Variants in ADGRF1 observed in about 807,000 individuals in gnomAD.
ADGRF1 encodes the protein G protein-coupled receptor 110.
ADGRF1 carries 85 observed loss-of-function variants against 87.2 expected under a neutral mutation model. The ratio of observed to expected loss-of-function variants is 0.97; its 90% CI spans 0.82 to 1.17. The LOEUF is 1.17. ADGRF1 is among the 50% of genes most tolerant of loss of function. The pLI is 0.00. For missense variants in ADGRF1, 1,169 were observed against 1,077.2 expected (o/e 1.09, Z -1.19); for synonymous variants, 430 against 408.8 (o/e 1.05, Z -0.63).
At chr6:47,028,812 C>T (rs1198368681) in intron 2 of ADGRF1, among the ~76,000 whole-genome samples, 181 bp downstream of exon 2, 2 of 152,214 alleles carry the variant, frequency 1.3e-5, no homozygotes, top group Non-Finnish European at 2.9e-5. Flanking sequence ...GATGAAATGA[C>T]TTACTTATCC....
chr6:47,007,225 G>A lies in ADGRF1; in HGVS notation c.2532+28C>T, dbSNP rs765674550. The A allele has an allele frequency of 3.4e-6, 5 of 1,464,572 alleles. No individual in the cohort carries two copies. The African/African-American group carries it at 5.6e-5, about 16-fold the overall frequency. The allele number at this position is 1,464,572 out of a possible 1,614,324, so 90.7% of individuals were successfully genotyped here. ...GGGGGCCTAAGATGTCTAGGCTAGGGGTTAATGAGAGAAATAAATACACAT... is the reference window on the plus strand; with the variant it reads ...GGGGGCCTAAGATGTCTAGGCTAGGAGTTAATGAGAGAAATAAATACACAT... On this transcript the variant is annotated intron_variant, in intron 12 of 14. Transcript: ENST00000371253.
rs767905143 is a variant in ADGRF1, at chr6:47,012,043, C to G, written c.1080G>C (p.Leu360=). ...SILSNISSLS[L]ASHFRVSNST... The stretch of plus-strand genomic sequence containing the variant: ...AATTGGACACCCTGAAATGGCTGGC[C>G]AGTGACAGAGATGAAATATTGCTCA... Residue 360 remains leucine, a synonymous_variant, in exon 10 of 15, where the codon CTG becomes CTC. Transcript: ENST00000371253. 8 of 1,613,826 alleles carry G rather than the reference C, an allele frequency of 5.0e-6. No homozygotes were observed. The highest frequency in any genetic ancestry group is 2.7e-5 in the African/African-American group (2 of 74,892).
chr6:47,031,534 T>G (rs1292291554), intron 1 of ADGRF1, among the ~76,000 whole-genome samples: 1 of 152,132 alleles, frequency 6.6e-6, no homozygotes, highest in Non-Finnish European at 1.5e-5. Context: ...CCTAGAGATA[T>G]ATTCTGGCAT....
At position 47,014,686 on chromosome 6, in the gene ADGRF1, T is replaced by A; in HGVS notation, c.922A>T (p.Asn308Tyr). Residue 308 changes from asparagine to tyrosine, a missense_variant, in exon 9 of 15, where the codon AAC becomes TAC. Asn to Tyr is a moderately radical substitution (Grantham distance 143). Transcript: ENST00000371253. ...TCVLSLLEEL[N>Y]KNFSMIVGNA... ...ACACAGTGAAAATGCCTCACCTTGT[T>A]CAGTTCTTCAAGCAGAGAGAGCACA... is the stretch of plus-strand genomic sequence containing the variant. 1.2e-6 allele frequency: 2 copies of A among 1,613,184 alleles called. No homozygotes were observed. The highest frequency in any genetic ancestry group is 1.7e-6 in the Non-Finnish European group (2 of 1,179,740).
chr6:46,999,530 G>A lies in ADGRF1; in HGVS notation c.*692C>T, dbSNP rs967117341. 2.6e-5 allele frequency: 4 copies of A among 152,174 alleles called. No individual in the cohort carries two copies. The highest frequency in any genetic ancestry group is 9.7e-5 in the African/African-American group (4 of 41,444). The allele number at this position is 152,174 out of a possible 1,614,324, so 9.4% of individuals were successfully genotyped here. A position where few individuals can be genotyped will look rare whatever the true frequency, so the allele number is the denominator to read the frequency against. ...CTCATCTCTGCACTAGGTCTGCCTT[G>A]ACACTTTTGTTTGCAGGGTTTAGGA... On this transcript the variant is annotated 3_prime_UTR_variant, in exon 15 of 15. Transcript: ENST00000371253.
At chr6:47,016,941 AT>A in intron 7 of ADGRF1, 173 bp from the exon 8 acceptor site, 10 of 525,862 alleles carry the variant, frequency 1.9e-5, no homozygotes, top group Non-Finnish European at 2.7e-5. Context: ...AAAAATACAT[AT>A]ATATATGATA....
chr6:47,005,784 T>A, intron 13 of ADGRF1, 33 bp downstream of exon 13: 1 of 1,521,488 alleles, frequency 6.6e-7, no homozygotes. Flanking sequence ...TGGAACTTCA[T>A]GTATTGGATT....
At position 47,014,612 on chromosome 6, in the gene ADGRF1, A is replaced by G. The variant is rs1779807330; in HGVS notation, c.927+69T>C. On this transcript the variant is annotated intron_variant, in intron 9 of 14. Transcript: ENST00000371253. The stretch of plus-strand genomic sequence containing the variant: ...AGGTATACTTACCCTCCACCTAGCC[A>G]TGCTCACTGGGATATTGCCACTCTG... 1.9e-6 allele frequency: 3 copies of G among 1,569,734 alleles called. No homozygotes were observed. The African/African-American group carries it at 4.1e-5, about 21-fold the overall frequency.
At position 47,010,206 on chromosome 6, in the gene ADGRF1, T is replaced by C; in HGVS notation, c.1229A>G (p.Asn410Ser). 1 of 1,614,090 alleles carries C rather than the reference T, an allele frequency of 6.2e-7. No homozygotes were observed. The highest frequency in any genetic ancestry group is 1.3e-5 in the African/African-American group (1 of 75,052). ...TGTCGGAGGCACCAGAGTGCTGATG[T>C]TTTCTAATGTCTCTAGTAACCGTGA... The part of the protein sequence containing the change: ...ASSRLLETLE[N>S]ISTLVPPTAL... Residue 410 changes from asparagine to serine, a missense_variant, in exon 11 of 15, where the codon AAC (asparagine) becomes AGC (serine). Transcript: ENST00000371253.
At position 47,001,579 on chromosome 6, in the gene ADGRF1, A is replaced by T. The variant is rs1196984152; in HGVS notation, c.2593-12T>A. Reference sequence around the variant, plus strand: ...TCTGATGAGTTTTGCTGCACAAAATAAAAATAAGTCATTTGGACATTAATA... The same window carrying T: ...TCTGATGAGTTTTGCTGCACAAAATTAAAATAAGTCATTTGGACATTAATA... On this transcript the variant is annotated splice_polypyrimidine_tract_variant and intron_variant, in intron 13 of 14. Transcript: ENST00000371253. The T allele has an allele frequency of 3.1e-6, 5 of 1,611,652 alleles. No homozygotes were observed. The highest frequency in any genetic ancestry group is 1.7e-4 in the Middle Eastern group (1 of 6,052).
At position 47,005,864 on chromosome 6, in the gene ADGRF1, G is replaced by A. The variant is rs1282331759; in HGVS notation, c.2545C>T (p.Leu849=). The change falls in exon 13 of 15, where the codon CTG becomes TTG. Residue 849 remains leucine, a synonymous_variant. Transcript: ENST00000371253. ...CTTAAGGCAGACAACTTGTTGAACAGAAGTTGTCGCAGCTATAAGGGCAAC... is the reference window on the plus strand; with the variant it reads ...CTTAAGGCAGACAACTTGTTGAACAAAAGTTGTCGCAGCTATAAGGGCAAC... ...ILLDSKLRQL[L]FNKLSALSSW... 1 of 1,611,418 alleles carries A rather than the reference G, an allele frequency of 6.2e-7. No individual in the cohort carries two copies. Among genetic ancestry groups the A allele is most frequent in the Non-Finnish European group, 8.5e-7 (1 of 1,178,460 alleles).
intron 1 of ADGRF1, among the ~76,000 whole-genome samples, chr6:47,032,294 C>T (rs1208109473): frequency 6.6e-6 from 1 of 152,152 alleles, no homozygotes; most frequent in Non-Finnish European, 1.5e-5. Context: ...TTCTTTGCTT[C>T]CTTGGTGCAT....
chr6:47,020,763 T>G lies in ADGRF1; in HGVS notation c.579A>C (p.Gln193His). The G allele has an allele frequency of 6.2e-7, 1 of 1,613,898 alleles. No individual in the cohort carries two copies. The highest frequency in any genetic ancestry group is 8.5e-7 in the Non-Finnish European group (1 of 1,179,756). The change falls in exon 7 of 15, where the codon CAA becomes CAC. Residue 193 changes from glutamine to histidine, a missense_variant. Transcript: ENST00000371253. ...GGGTGACCTGAACCGACTCAAAACC[T>G]TGAATTCTTTCATATGCTTTTTTAA... ...IQLKKAYERI[Q>H]GFESVQVTQF...
Position 47,003,875 on chromosome 6 carries a change from A to G in ADGRF1, c.2592+1942T>C, listed in dbSNP as rs114831433. On this transcript the variant is annotated intron_variant, in intron 13 of 14. Coordinates refer to ENST00000371253, the MANE Select transcript of ADGRF1 (RefSeq NM_153840.4). ...CAAACAAACTTCTAAATTGATTGAG[A>G]CCTGTCTCAGATACTTTTTCACCTA... Among the ~76,000 whole-genome samples the G allele has an allele frequency of 9.1e-3, 1,388 of 152,260 alleles. 26 individuals carry two copies. The highest frequency in any genetic ancestry group is 0.032 in the African/African-American group (1,329 of 41,554).
chr6:47,021,261 A>T (rs984226714), intron 6 of ADGRF1, among the ~76,000 whole-genome samples: 5 of 152,228 alleles, frequency 3.3e-5, no homozygotes, highest in African/African-American at 4.8e-5. Flanking sequence ...TGACTTTATT[A>T]TAAAGTTGAG....
chr6:47,015,045 C>T (rs191436908), intron 8 of ADGRF1, among the ~76,000 whole-genome samples: 115 of 152,288 alleles, frequency 7.6e-4, no homozygotes, highest in Admixed American at 2.7e-3. Context: ...ATGCCTTACC[C>T]TCCCTGAGGC....
Position 47,014,746 on chromosome 6 carries a change from C to T in ADGRF1, c.862G>A (p.Glu288Lys). 6.2e-7 allele frequency: 1 copy of T among 1,614,008 alleles called. No homozygotes were observed. Among genetic ancestry groups the T allele is most frequent in the Middle Eastern group, 1.7e-4 (1 of 6,060 alleles). ...CTGATGACCTGCCACCCAGAGGACT[C>T]ACACTTGGCTGTGATGTTTCCCCTG... ...GYRGNITAKC[E>K]SSGWQVIRET... is the part of the protein sequence containing the mutation. The change falls in exon 9 of 15, where the codon GAG (glutamate) becomes AAG (lysine). Residue 288 changes from glutamate to lysine, a missense_variant. Transcript: ENST00000371253.
chr6:47,013,556 G>GT, intron 9 of ADGRF1: 3 of 985,504 alleles, frequency 3.0e-6, no homozygotes, highest in Non-Finnish European at 3.6e-6. Flanking sequence ...CTTCTTTTCT[G>GT]TGACTTGAGT....
intron 13 of ADGRF1, among the ~76,000 whole-genome samples, chr6:47,003,301 T>C (rs1779414779): frequency 6.6e-6 from 1 of 152,126 alleles, no homozygotes; most frequent in African/African-American, 2.4e-5. Context: ...AACAGATAGG[T>C]CCTGAAAGAA....
Sources: gnomAD v4.1 joint callset for allele counts (sites outside exome capture counted in the v4.1 genomes callset) on GRCh38, gnomAD v4.1.1 for gene constraint, MANE v1.5 for transcripts, NCBI Gene and HGNC (gene_info 2026-07-23, HGNC 2026-07-21) for gene names.